Variants in SMC3 observed in about 807,000 individuals in gnomAD.
SMC3 encodes the protein structural maintenance of chromosomes 3.
A neutral mutation model predicts 171.8 loss-of-function variants in SMC3; 20 were observed. That is an observed-to-expected ratio of 0.12 (90% confidence interval 0.08 to 0.17). SMC3 has a LOEUF of 0.17. Ranked by LOEUF, SMC3 falls within the 10% of genes least tolerant of loss-of-function variation. SMC3 has a pLI of 1.00. For synonymous variants in SMC3, 464 were observed against 451.1 expected (o/e 1.03, Z -0.36); for missense variants, 543 against 1,420.4 (o/e 0.38, Z 9.93).
intron 20 of SMC3, among the ~76,000 whole-genome samples, chr10:110,599,164 C>G (rs558472927): frequency 6.6e-6 from 1 of 152,204 alleles, no homozygotes; most frequent in Admixed American, 6.5e-5. Flanking sequence ...ATGGCGTGAT[C>G]TCGGCTTACT....
chr10:110,604,482 AGTTT>A lies in SMC3; in HGVS notation c.*181_*184del, dbSNP rs908555675. 29 of 529,064 alleles carry A rather than the reference AGTTT, an allele frequency of 5.5e-5. No homozygotes were observed. The highest frequency in any genetic ancestry group is 5.1e-4 in the East Asian group (16 of 31,466). 32.8% of individuals were successfully genotyped at this position (529,064 alleles called of 1,614,324 possible). ...TCTGTAATGTCATGTTTGTACTGAT[AGTTT>A]AAGAATTTAATTTCCTGTACAACTT... is the stretch of plus-strand genomic sequence containing the variant. On this transcript the variant is annotated 3_prime_UTR_variant, in exon 29 of 29. Coordinates refer to ENST00000361804, the MANE Select transcript of SMC3 (RefSeq NM_005445.4).
chr10:110,567,704 AG>A lies in SMC3; in HGVS notation c.-109del. The A allele has an allele frequency of 7.6e-7, 1 of 1,319,560 alleles. No individual in the cohort carries two copies. Among genetic ancestry groups the A allele is most frequent in the South Asian group, 1.2e-5 (1 of 82,358 alleles). 81.7% of individuals were successfully genotyped at this position (1,319,560 alleles called of 1,614,324 possible). A position where few individuals can be genotyped will look rare whatever the true frequency, so the allele number is the denominator to read the frequency against. Reference sequence around the variant, plus strand: ...CGAGCGCCGCCATTTTGTTTGGCTGAGGGGAGCGAGCGGCGCTTTGGGGGAG... The same window carrying A: ...CGAGCGCCGCCATTTTGTTTGGCTGAGGGAGCGAGCGGCGCTTTGGGGGAG... On this transcript the variant is annotated 5_prime_UTR_variant, in exon 1 of 29. Transcript: ENST00000361804.
chr10:110,589,995 G>A lies in SMC3; in HGVS notation c.1509+4G>A. ...TCTTAGAGCAGCAACAGGAAAGGTG[G>A]GCAGGTTCTTTTCATCACCTCTGTT... On this transcript the variant is annotated splice_donor_region_variant and intron_variant, in intron 15 of 28. Coordinates refer to ENST00000361804, the MANE Select transcript of SMC3 (RefSeq NM_005445.4). 2 of 1,612,976 alleles carry A rather than the reference G, an allele frequency of 1.2e-6. No homozygotes were observed. Among genetic ancestry groups the A allele is most frequent in the Non-Finnish European group, 1.7e-6 (2 of 1,179,262 alleles).
chr10:110,592,765 G>A (rs1002559096), intron 17 of SMC3, among the ~76,000 whole-genome samples: 1 of 152,168 alleles, frequency 6.6e-6, no homozygotes, highest in Non-Finnish European at 1.5e-5. Context: ...AGGAAGTTAA[G>A]CAACTTGTCC....
intron 22 of SMC3, among the ~76,000 whole-genome samples, 155 bp downstream of exon 22, chr10:110,600,701 G>A (rs771393796): frequency 1.8e-4 from 28 of 152,012 alleles, no homozygotes; most frequent in Admixed American, 3.9e-4. Context: ...GCCACCTAGT[G>A]TGTGATTTTG....
chr10:110,571,006 A>T (rs1860862500), intron 2 of SMC3, among the ~76,000 whole-genome samples: 1 of 152,220 alleles, frequency 6.6e-6, no homozygotes, highest in South Asian at 2.1e-4. Context: ...TCTTGTACTG[A>T]TGTTGGGTAT....
chr10:110,593,594 C>G (rs1861244020), intron 18 of SMC3, among the ~76,000 whole-genome samples: 1 of 151,514 alleles, frequency 6.6e-6, no homozygotes, highest in Non-Finnish European at 1.5e-5. Flanking sequence ...GACATATAAT[C>G]TGTATAATAT....
chr10:110,570,896 G>T (rs2134710305), intron 2 of SMC3, among the ~76,000 whole-genome samples: 1 of 152,300 alleles, frequency 6.6e-6, no homozygotes, highest in Non-Finnish European at 1.5e-5. Flanking sequence ...CATAATGTAA[G>T]AAAGACCAAA....
intron 18 of SMC3, among the ~76,000 whole-genome samples, chr10:110,593,473 G>C (rs562931399): frequency 6.6e-6 from 1 of 152,224 alleles, no homozygotes; most frequent in Admixed American, 6.5e-5. Context: ...TCAGGAGGCT[G>C]GGGCAGGAGA....
At chr10:110,575,184 A>AT (rs1395385487) in intron 3 of SMC3, 152 bp from the exon 4 acceptor site, 10 of 645,636 alleles carry the variant, frequency 1.5e-5, no homozygotes, top group Non-Finnish European at 2.8e-5. Context: ...GTGCAGGCAC[A>AT]TTTTCTGCAT....
Position 110,603,085 on chromosome 10 carries a change from C to T in SMC3, c.3475+83C>T. On this transcript the variant is annotated intron_variant, in intron 27 of 28. Transcript: ENST00000361804. ...GATGTATATATGAAAAAATCAAACTCAGGCAGTTTTGAATTTTAGTAAGAG... is the reference window on the plus strand; with the variant it reads ...GATGTATATATGAAAAAATCAAACTTAGGCAGTTTTGAATTTTAGTAAGAG... The T allele has an allele frequency of 1.9e-6, 3 of 1,557,262 alleles. No individual in the cohort carries two copies. In the South Asian group the frequency reaches 3.3e-5, roughly 17 times the overall value.
rs191938778 is a variant in SMC3, at chr10:110,605,962, T to C, written c.*1660T>C. Among the ~76,000 whole-genome samples the C allele has an allele frequency of 8.7e-4, 133 of 152,328 alleles. No individual in the cohort carries two copies. The highest frequency in any genetic ancestry group is 3.4e-3 in the Middle Eastern group (1 of 294). On this transcript the variant is annotated 3_prime_UTR_variant, in exon 29 of 29. Coordinates refer to ENST00000361804, the MANE Select transcript of SMC3 (RefSeq NM_005445.4). Reference sequence around the variant, plus strand: ...AACATCATTCTAGAACTTCTTAATATTGTTCTTAAGCATTTCCCCAAGGAT... The same window carrying C: ...AACATCATTCTAGAACTTCTTAATACTGTTCTTAAGCATTTCCCCAAGGAT...
intron 20 of SMC3, among the ~76,000 whole-genome samples, chr10:110,598,550 A>G (rs537743226): frequency 1.1e-4 from 17 of 151,832 alleles, no homozygotes; most frequent in Non-Finnish European, 2.5e-4. Flanking sequence ...GGGACTACAG[A>G]CATACGCCAC....
chr10:110,583,995 T>C, intron 12 of SMC3, 33 bp downstream of exon 12: 1 of 1,610,532 alleles, frequency 6.2e-7, no homozygotes, highest in Non-Finnish European at 8.5e-7. Flanking sequence ...TTTAACTTTC[T>C]ACATCATATT....
intron 19 of SMC3, among the ~76,000 whole-genome samples, chr10:110,596,983 A>C (rs1861310664): frequency 6.6e-6 from 1 of 151,916 alleles, no homozygotes; most frequent in African/African-American, 2.4e-5. Context: ...ATATATAAGG[A>C]CTGGCATTTT....
intron 11 of SMC3, 38 bp downstream of exon 11, chr10:110,583,586 C>T: frequency 1.3e-6 from 2 of 1,599,282 alleles, no homozygotes; most frequent in Non-Finnish European, 8.6e-7. Context: ...TGTGAATGTT[C>T]AGGTGAGTAG....
rs925849480 is a variant in SMC3, at chr10:110,604,890, G to C, written c.*588G>C. 5.3e-5 allele frequency among the ~76,000 whole-genome samples: 8 copies of C among 152,138 alleles called. No individual in the cohort carries two copies. Among genetic ancestry groups the C allele is most frequent in the Non-Finnish European group, 1.2e-4 (8 of 68,000 alleles). On this transcript the variant is annotated 3_prime_UTR_variant, in exon 29 of 29. Coordinates refer to ENST00000361804, the MANE Select transcript of SMC3 (RefSeq NM_005445.4). The stretch of plus-strand genomic sequence containing the variant: ...TAAGCTCAAGATTTTATTCAGATTT[G>C]ACTAGTTTTTCCACTAAGGCCCTTT...
chr10:110,598,432 T>G (rs1861333644), intron 20 of SMC3, 142 bp downstream of exon 20: 2 of 810,026 alleles, frequency 2.5e-6, no homozygotes, highest in Non-Finnish European at 4.0e-6. Flanking sequence ...GAAGACAGAG[T>G]CTCTTTCTGT....
At chr10:110,572,753 G>A (rs542648538) in intron 2 of SMC3, among the ~76,000 whole-genome samples, 1 of 151,960 alleles carries the variant, frequency 6.6e-6, no homozygotes, top group African/African-American at 2.4e-5. Flanking sequence ...TTATTCTGAC[G>A]GTCACAAAAT....
Sources: allele counts gnomAD v4.1 joint callset (sites outside exome capture counted in the v4.1 genomes callset), GRCh38; gene constraint gnomAD v4.1.1; transcripts MANE v1.5; gene names NCBI Gene and HGNC (gene_info 2026-07-23, HGNC 2026-07-21).